ANKRD36B: variants seen among roughly 807,000 people sequenced by gnomAD.
ANKRD36B encodes ankyrin repeat domain-containing protein 36B.
In ANKRD36B, 37 loss-of-function variants were observed where a neutral mutation model predicts 135.7. That is an observed-to-expected ratio of 0.27 (90% confidence interval 0.21 to 0.36). The LOEUF is 0.36. Ranked by LOEUF, ANKRD36B falls within the 10% of genes least tolerant of loss-of-function variation. The pLI, the probability that ANKRD36B is intolerant of heterozygous loss-of-function variation, is 1.00. For synonymous variants in ANKRD36B, 179 were observed against 348.1 expected, an observed-to-expected ratio of 0.51 and a Z score of 5.41; for missense variants, 549 against 1,037.1, an observed-to-expected ratio of 0.53 and a Z score of 6.46.
rs2078156581 is a variant in ANKRD36B, at chr2:97,525,635, G to A, written c.2266-2168C>T. Among the ~76,000 whole-genome samples the A allele has an allele frequency of 2.1e-5, 2 of 96,680 alleles. 1 individual carries two copies. Among genetic ancestry groups the A allele is most frequent in the Non-Finnish European group, 5.5e-5 (2 of 36,212 alleles). The allele number at this position is 96,680 out of a possible 152,430, so 63.4% of individuals were successfully genotyped here. A position where few individuals can be genotyped will look rare whatever the true frequency, so the allele number is the denominator to read the frequency against. ...CTCAGGAAGTGGAAGGGGTCAGGGAGTTCCCTTTCCTAGTCAAAGAAAGGG... is the reference window on the plus strand; with the variant it reads ...CTCAGGAAGTGGAAGGGGTCAGGGAATTCCCTTTCCTAGTCAAAGAAAGGG... On this transcript the variant is annotated intron_variant, in intron 35 of 43. Transcript: ENST00000359901.
intron 26 of ANKRD36B, among the ~76,000 whole-genome samples, chr2:97,543,117 C>T (rs2079231554): frequency 1.3e-5 from 2 of 151,832 alleles, no homozygotes; most frequent in Non-Finnish European, 2.9e-5. Flanking sequence ...TGATACCTAA[C>T]AGTAACAAAG....
intron 24 of ANKRD36B, among the ~76,000 whole-genome samples, chr2:97,545,451 C>G (rs1262863283): frequency 1.0e-5 from 1 of 95,488 alleles, no homozygotes; most frequent in African/African-American, 3.1e-5. Flanking sequence ...TTCTTTTTCC[C>G]AATTTCAAAG....
chr2:97,557,232 C>T lies in ANKRD36B; in HGVS notation c.968-100G>A, dbSNP rs1019781782. ...GCATCAAGCTGTATCCTCCCGCCTG[C>T]ACTAGTGTAGGATTTGATGTTTTAC... On this transcript the variant is annotated intron_variant, in intron 10 of 43. Transcript: ENST00000359901. 6.6e-5 allele frequency: 98 copies of T among 1,478,504 alleles called. 1 individual carries two copies. The Middle Eastern group carries it at 1.7e-3, about 26-fold the overall frequency. 91.6% of individuals were successfully genotyped at this position (1,478,504 alleles called of 1,614,324 possible). A position where few individuals can be genotyped will look rare whatever the true frequency, so the allele number is the denominator to read the frequency against.
At chr2:97,564,314 A>G (rs2081277012) in intron 6 of ANKRD36B, among the ~76,000 whole-genome samples, 2 of 152,106 alleles carry the variant, frequency 1.3e-5, no homozygotes, top group Non-Finnish European at 2.9e-5. Context: ...TACTTTCTTC[A>G]TTTTTAAAAC....
At position 97,540,051 on chromosome 2, in the gene ANKRD36B, C is replaced by T. The variant is rs186892734; in HGVS notation, c.1970G>A (p.Gly657Glu). Residue 657 changes from glycine (G) to glutamate (E), a missense_variant, in exon 30 of 44, where the codon GGA becomes GAA. Physicochemically the swap from Gly to Glu is moderately conservative, Grantham distance 98. Transcript: ENST00000359901. ...VSNIAREIKD[G>E]EKSGTVSPQK... The stretch of plus-strand genomic sequence containing the variant: ...AAAATTACCTGTCCCAGATTTTTCT[C>T]CATCCTTTATTTCTCTGGCTATATT... 3.6e-3 allele frequency: 3,357 copies of T among 935,504 alleles called. 969 individuals carry two copies. In the African/African-American group the frequency reaches 0.047, roughly 13 times the overall value. 58.0% of individuals were successfully genotyped at this position (935,504 alleles called of 1,614,324 possible).
chr2:97,579,685 TTA>T (rs948358284), intron 4 of ANKRD36B, among the ~76,000 whole-genome samples: 2 of 145,632 alleles, frequency 1.4e-5, no homozygotes, highest in African/African-American at 5.0e-5. Flanking sequence ...ATTGTATATA[TTA>T]TATATTATAT....
At position 97,560,657 on chromosome 2, in the gene ANKRD36B, A is replaced by G; in HGVS notation, c.865+8T>C. 1 of 1,601,950 alleles carries G rather than the reference A, an allele frequency of 6.2e-7. No individual in the cohort carries two copies. The highest frequency in any genetic ancestry group is 8.5e-7 in the Non-Finnish European group (1 of 1,178,116). ...GAACATGACATTAGATGTGTTTTGC[A>G]AAATTACCTGTCCCAGATATAGGTC... On this transcript the variant is annotated splice_region_variant and intron_variant, in intron 8 of 43. Coordinates refer to ENST00000359901, the MANE Select transcript of ANKRD36B (RefSeq NM_001393939.1).
chr2:97,546,916 C>T (rs2079522372), intron 22 of ANKRD36B, among the ~76,000 whole-genome samples: 1 of 151,758 alleles, frequency 6.6e-6, no homozygotes, highest in East Asian at 2.0e-4. Context: ...ATTCCAATTA[C>T]ACCATTGTTT....
At chr2:97,537,197 T>C (rs1022504459) in intron 32 of ANKRD36B, among the ~76,000 whole-genome samples, 1 of 96,422 alleles carries the variant, frequency 1.0e-5, no homozygotes, top group African/African-American at 3.1e-5. Flanking sequence ...TAATAAATTA[T>C]ACATATTTAT....
At chr2:97,574,154 A>G (rs1056364417) in intron 6 of ANKRD36B, among the ~76,000 whole-genome samples, 2 of 152,152 alleles carry the variant, frequency 1.3e-5, no homozygotes, top group African/African-American at 4.8e-5. Flanking sequence ...CAAAGGGCTA[A>G]TATCCAGAAT....
intron 6 of ANKRD36B, among the ~76,000 whole-genome samples, chr2:97,567,605 G>A (rs953160463): frequency 2.6e-5 from 4 of 152,034 alleles, no homozygotes; most frequent in African/African-American, 9.7e-5. Context: ...TGGTTTTATT[G>A]ACTGCAGATT....
At chr2:97,571,172 T>C (rs1379748021) in intron 6 of ANKRD36B, among the ~76,000 whole-genome samples, 1 of 152,152 alleles carries the variant, frequency 6.6e-6, no homozygotes, top group African/African-American at 2.4e-5. Context: ...CTCACCAAGG[T>C]TTCTTTTATA....
chr2:97,584,192 G>C lies in ANKRD36B; in HGVS notation c.450+752C>G, dbSNP rs1424199668. 4.1e-5 allele frequency among the ~76,000 whole-genome samples: 4 copies of C among 96,998 alleles called. No homozygotes were observed. The South Asian group carries it at 1.7e-3, about 40-fold the overall frequency. The allele number at this position is 96,998 out of a possible 152,430, so 63.6% of individuals were successfully genotyped here. Reference sequence around the variant, plus strand: ...TCTTCTCTCTGCTGAACTGTGTGCCGCTTCATCACCACTATTCACTGCCAA... The same window carrying C: ...TCTTCTCTCTGCTGAACTGTGTGCCCCTTCATCACCACTATTCACTGCCAA... On this transcript the variant is annotated intron_variant, in intron 3 of 43. Coordinates refer to ENST00000359901, the MANE Select transcript of ANKRD36B (RefSeq NM_001393939.1).
chr2:97,560,166 T>G (rs955147109), intron 8 of ANKRD36B, among the ~76,000 whole-genome samples: 1 of 151,862 alleles, frequency 6.6e-6, no homozygotes, highest in African/African-American at 2.4e-5. Flanking sequence ...ATTACATAAA[T>G]ACCTTCTTCT....
Position 97,549,566 on chromosome 2 carries a change from A to G in ANKRD36B, c.1404+20T>C, listed in dbSNP as rs747382006. 9.3e-6 allele frequency: 15 copies of G among 1,608,980 alleles called. No homozygotes were observed. In the Admixed American group the frequency reaches 1.0e-4, roughly 11 times the overall value. On this transcript the variant is annotated intron_variant, in intron 19 of 43. Transcript: ENST00000359901. Reference sequence around the variant, plus strand: ...GACCATACATTAACTAGTTCACAATATAAATGAGAGTTTCATTACCTTCAA... The same window carrying G: ...GACCATACATTAACTAGTTCACAATGTAAATGAGAGTTTCATTACCTTCAA...
chr2:97,579,043 T>C lies in ANKRD36B; in HGVS notation c.558A>G (p.Arg186=). The C allele has an allele frequency of 6.2e-7, 1 of 1,602,786 alleles. No homozygotes were observed. Among genetic ancestry groups the C allele is most frequent in the Non-Finnish European group, 8.5e-7 (1 of 1,173,348 alleles). ...GAGTAACAGCAAGTATGAGGGCTGA[T>C]CTAAAATAACAGAGAGGTAATTAAA... The part of the protein sequence containing the change: ...ANVNAIDYLG[R]SALILAVTLG... The change falls in exon 5 of 44, where the codon AGA becomes AGG. Residue 186 remains arginine, a splice_region_variant and synonymous_variant. Coordinates refer to ENST00000359901, the MANE Select transcript of ANKRD36B (RefSeq NM_001393939.1).
In ANKRD36B at chr2:97,567,718, C is replaced by A. The variant is rs2264183; in HGVS notation, c.764-6858G>T. Among the ~76,000 whole-genome samples the A allele has an allele frequency of 1.1e-4, 17 of 152,228 alleles. No individual in the cohort carries two copies. The South Asian group carries it at 1.9e-3, about 17-fold the overall frequency. ...TGAGTAGTATGACAAAATTTGAGCCCTTACATCCCAGTCTGCCCAAGATGT... is the reference window on the plus strand; with the variant it reads ...TGAGTAGTATGACAAAATTTGAGCCATTACATCCCAGTCTGCCCAAGATGT... On this transcript the variant is annotated intron_variant, in intron 6 of 43. Transcript: ENST00000359901.
intron 34 of ANKRD36B, among the ~76,000 whole-genome samples, chr2:97,533,576 C>T (rs2104472273): frequency 1.0e-5 from 1 of 96,514 alleles, no homozygotes; most frequent in Middle Eastern, 5.2e-3. Context: ...ATTTATTTCT[C>T]ATCAGAGAAA....
At chr2:97,560,534 CA>C (rs2080924895) in intron 8 of ANKRD36B, 130 bp downstream of exon 8, 1 of 1,364,290 alleles carries the variant, frequency 7.3e-7, no homozygotes, top group Admixed American at 2.3e-5. Flanking sequence ...GAACTCACTA[CA>C]AATGAAGAAT....
Sources: gnomAD v4.1 joint callset for allele counts (sites outside exome capture counted in the v4.1 genomes callset) on GRCh38, gnomAD v4.1.1 for gene constraint, MANE v1.5 for transcripts, NCBI Gene and HGNC (gene_info 2026-07-23, HGNC 2026-07-21) for gene names.